The following ANKMY2 variants were observed in gnomAD, a reference collection of about 807,000 sequenced individuals.
ANKMY2 encodes the protein ankyrin repeat and MYND domain-containing protein 2.
A neutral mutation model predicts 50.4 loss-of-function variants in ANKMY2; 36 were observed. That is an observed-to-expected ratio of 0.71 (90% CI 0.55 to 0.94). ANKMY2 has a LOEUF of 0.94. ANKMY2 is among the 40% of genes least tolerant of loss of function. The pLI is 0.00. For synonymous variants in ANKMY2, 187 were observed against 178.8 expected (o/e 1.05, Z -0.36); for missense variants, 565 against 524.0 (o/e 1.08, Z -0.76).
chr7:16,630,087 AATATT>A (rs1409846735), intron 2 of ANKMY2, among the ~76,000 whole-genome samples: 4 of 152,208 alleles, frequency 2.6e-5, no homozygotes, highest in Non-Finnish European at 5.9e-5. Flanking sequence ...GTTAATTTAA[AATATT>A]ATATTACAGT....
chr7:16,609,878 T>A, intron 6 of ANKMY2, 113 bp from the exon 7 acceptor site: 1 of 1,293,074 alleles, frequency 7.7e-7, no homozygotes. Context: ...TCTTTGTCTC[T>A]TCAAATCATG....
intron 1 of ANKMY2, among the ~76,000 whole-genome samples, chr7:16,644,025 C>A (rs778871382): frequency 1.3e-5 from 2 of 151,928 alleles, no homozygotes. Context: ...AAAGAGACAG[C>A]GAGAGCGAGA....
chr7:16,621,253 G>C (rs954129452), intron 4 of ANKMY2, among the ~76,000 whole-genome samples: 1 of 152,150 alleles, frequency 6.6e-6, no homozygotes, highest in Non-Finnish European at 1.5e-5. Context: ...AATAAATTTT[G>C]AAAGAAAGGA....
At chr7:16,630,267 T>C (rs559264521) in intron 2 of ANKMY2, among the ~76,000 whole-genome samples, 17 of 152,294 alleles carry the variant, frequency 1.1e-4, no homozygotes, top group Non-Finnish European at 2.2e-4. Context: ...TTCACTTTAC[T>C]AAAGTCTCAC....
rs1261482550 is a variant in ANKMY2 at position 16,600,460 on chromosome 7, G to A, written c.*301C>T. ...CTAAAGCCTGTATTTTTTCTTTAAGGGGATCTATTTTCCTTTGAAACAATT... is the reference window on the plus strand; with the variant it reads ...CTAAAGCCTGTATTTTTTCTTTAAGAGGATCTATTTTCCTTTGAAACAATT... On this transcript the variant is annotated 3_prime_UTR_variant, in exon 10 of 10. Coordinates refer to ENST00000306999, the MANE Select transcript of ANKMY2 (RefSeq NM_020319.3). 2 of 208,078 alleles carry A rather than the reference G, an allele frequency of 9.6e-6. No individual in the cohort carries two copies. Among genetic ancestry groups the A allele is most frequent in the Non-Finnish European group, 1.9e-5 (2 of 105,274 alleles). 12.9% of individuals were successfully genotyped at this position (208,078 alleles called of 1,614,324 possible).
intron 8 of ANKMY2, among the ~76,000 whole-genome samples, chr7:16,603,110 A>G (rs868544865): frequency 6.6e-6 from 1 of 152,256 alleles, no homozygotes; most frequent in African/African-American, 2.4e-5. Context: ...TTACTTTAAA[A>G]CAATAATGAA....
intron 3 of ANKMY2, 124 bp downstream of exon 3, chr7:16,626,916 C>T (rs1265150406): frequency 2.6e-6 from 2 of 764,972 alleles, no homozygotes; most frequent in Non-Finnish European, 1.8e-6. Context: ...CAATTGCCAT[C>T]ATTCCTTTCC....
chr7:16,612,865 TGAG>T (rs759762273), intron 5 of ANKMY2, among the ~76,000 whole-genome samples: 11 of 152,334 alleles, frequency 7.2e-5, no homozygotes, highest in Non-Finnish European at 1.3e-4. Flanking sequence ...TATTAATTAA[TGAG>T]GAGGAGCAAA....
At chr7:16,616,257 CAT>C (rs1281799818) in intron 4 of ANKMY2, among the ~76,000 whole-genome samples, 1 of 152,150 alleles carries the variant, frequency 6.6e-6, no homozygotes, top group Non-Finnish European at 1.5e-5. Flanking sequence ...AAATGATGCT[CAT>C]GTTTCCCTAA....
At position 16,610,577 on chromosome 7, in the gene ANKMY2, C is replaced by G. The variant is rs1468640635; in HGVS notation, c.718G>C (p.Glu240Gln). ...TTGATCAAGGTGTCCAGTTTATTCT[C>G]TCCATCTTTTAAGAAGTTAATGCAT... ...QKCINFLKDGENKLDTLIKSL... is the reference protein window; with the variant it reads ...QKCINFLKDGQNKLDTLIKSL... The change falls in exon 6 of 10, where the codon GAG (glutamate) becomes CAG (glutamine). Residue 240 changes from glutamate to glutamine, a missense_variant. Glu to Gln is a conservative substitution (Grantham distance 29). Transcript: ENST00000306999. 2.5e-6 allele frequency: 4 copies of G among 1,613,662 alleles called. No homozygotes were observed. The highest frequency in any genetic ancestry group is 3.4e-6 in the Non-Finnish European group (4 of 1,179,720).
intron 5 of ANKMY2, among the ~76,000 whole-genome samples, chr7:16,612,404 T>G (rs190462286): frequency 1.5e-3 from 233 of 152,346 alleles, no homozygotes; most frequent in African/African-American, 5.5e-3. Context: ...TAATAAGTTA[T>G]TAGACTTAAT....
At chr7:16,617,795 G>C (rs905331047) in intron 4 of ANKMY2, among the ~76,000 whole-genome samples, 2 of 151,612 alleles carry the variant, frequency 1.3e-5, no homozygotes, top group African/African-American at 4.8e-5. Context: ...GCACAAACCC[G>C]TTTCTACAAA....
Position 16,627,052 on chromosome 7 carries a change from C to G in ANKMY2, c.259G>C (p.Ala87Pro), listed in dbSNP as rs1472795460. The change falls in exon 3 of 10, where the codon GCT becomes CCT. Residue 87 changes from alanine (A) to proline (P), a missense_variant. Physicochemically the swap from Ala to Pro is conservative, Grantham distance 27. Coordinates refer to ENST00000306999, the MANE Select transcript of ANKMY2 (RefSeq NM_020319.3). Reference protein sequence around the residue: ...HEHGYTALMFAALSGNKDITW... With the variant: ...HEHGYTALMFPALSGNKDITW... The stretch of plus-strand genomic sequence containing the variant: ...ACTAAAACTTCACCAGAAAGTGCAG[C>G]AAACATGAGGGCTGTGTATCCATGT... The G allele has an allele frequency of 1.4e-5, 22 of 1,599,654 alleles. No homozygotes were observed. Among genetic ancestry groups the G allele is most frequent in the Non-Finnish European group, 1.8e-5 (21 of 1,174,008 alleles).
intron 4 of ANKMY2, among the ~76,000 whole-genome samples, chr7:16,619,836 C>A (rs1322576167): frequency 6.6e-6 from 1 of 152,186 alleles, no homozygotes; most frequent in Non-Finnish European, 1.5e-5. Context: ...GGAACACACA[C>A]ATACAACAAG....
rs754326342 is a variant in ANKMY2 at position 16,600,855 on chromosome 7, T to A, written c.1232A>T (p.Asp411Val). ...AGATTCTTTCTTTCCTTCCCCGGAA[T>A]CTTCAGGATTGGAATCCTTTTGAGA... ...GISQKDSNPE[D>V]SGEGKKESLE... Residue 411 changes from aspartate to valine, a missense_variant, in exon 10 of 10, where the codon GAT becomes GTT. Physicochemically the swap from Asp to Val is radical, Grantham distance 152. Transcript: ENST00000306999. 1.2e-6 allele frequency: 2 copies of A among 1,613,662 alleles called. No individual in the cohort carries two copies. Among genetic ancestry groups the A allele is most frequent in the South Asian group, 1.1e-5 (1 of 90,988 alleles).
intron 3 of ANKMY2, among the ~76,000 whole-genome samples, 173 bp from the exon 4 acceptor site, chr7:16,625,254 T>C (rs1036076050): frequency 1.3e-5 from 2 of 152,184 alleles, no homozygotes; most frequent in South Asian, 2.1e-4. Context: ...TAAAATGCTA[T>C]AGAACCTTAG....
Position 16,624,142 on chromosome 7 carries a change from C to T in ANKMY2, c.370+841G>A, listed in dbSNP as rs886306533. Among the ~76,000 whole-genome samples, 17 of 152,284 alleles carry T rather than the reference C, an allele frequency of 1.1e-4. No individual in the cohort carries two copies. The East Asian group carries it at 2.9e-3, about 26-fold the overall frequency. ...AGAAAGTATGAACAGCCTGTCTTGT[C>T]ACTATAACCAAGACACCTACAGTGA... On this transcript the variant is annotated intron_variant, in intron 4 of 9. Transcript: ENST00000306999.
Position 16,618,841 on chromosome 7 carries a change from A to G in ANKMY2, c.371-2937T>C, listed in dbSNP as rs562852545. On this transcript the variant is annotated intron_variant, in intron 4 of 9. Coordinates refer to ENST00000306999, the MANE Select transcript of ANKMY2 (RefSeq NM_020319.3). ...TTACAACTGTATGTGAAGAAACCAG[A>G]GAAGATGAAGACAAACCGCACATGC... 4.5e-4 allele frequency among the ~76,000 whole-genome samples: 66 copies of G among 147,766 alleles called. No individual in the cohort carries two copies. The South Asian group carries it at 0.013, about 29-fold the overall frequency.
At chr7:16,609,036 C>T (rs1181003992) in intron 7 of ANKMY2, among the ~76,000 whole-genome samples, 1 of 152,012 alleles carries the variant, frequency 6.6e-6, no homozygotes, top group African/African-American at 2.4e-5. Context: ...AAATATATGA[C>T]AAATGAATAG....
Sources: allele counts gnomAD v4.1 joint callset (sites outside exome capture counted in the v4.1 genomes callset), GRCh38; gene constraint gnomAD v4.1.1; transcripts MANE v1.5; gene names NCBI Gene and HGNC (gene_info 2026-07-23, HGNC 2026-07-21).